The following ZDHHC21 variants were observed in gnomAD, a reference collection of about 807,000 sequenced individuals.
The protein encoded by ZDHHC21 is palmitoyltransferase ZDHHC21.
In ZDHHC21, 15 loss-of-function variants were observed where a neutral mutation model predicts 34.6. The observed-to-expected ratio is 0.43, with a 90% CI of 0.29 to 0.67. ZDHHC21 has a LOEUF of 0.67. Among genes scored for constraint, ZDHHC21 ranks in the 30% least tolerant of loss-of-function variants. The pLI is 0.14. For missense variants in ZDHHC21, 344 were observed against 327.7 expected, an observed-to-expected ratio of 1.05 and a Z score of -0.38; for synonymous variants, 142 against 101.8, an observed-to-expected ratio of 1.40 and a Z score of -2.38.
At chr9:14,643,954 T>C (rs1207837230) in intron 7 of ZDHHC21, among the ~76,000 whole-genome samples, 2 of 152,202 alleles carry the variant, frequency 1.3e-5, no homozygotes, top group Non-Finnish European at 2.9e-5. Context: ...TCTTACTCTT[T>C]TGCAAGAACG....
chr9:14,641,890 G>C (rs139780368), intron 7 of ZDHHC21, among the ~76,000 whole-genome samples: 7 of 152,252 alleles, frequency 4.6e-5, no homozygotes, highest in African/African-American at 1.7e-4. Context: ...CAAAGTTTCG[G>C]AGTGGTAAGC....
chr9:14,657,668 A>C (rs958044573), intron 7 of ZDHHC21, among the ~76,000 whole-genome samples: 1 of 152,132 alleles, frequency 6.6e-6, no homozygotes, highest in Non-Finnish European at 1.5e-5. Context: ...TTTTAACAAA[A>C]ACAGGCAGAG....
the ZDHHC21 span, among the ~76,000 whole-genome samples, chr9:14,600,157 G>C: frequency 2.6e-5 from 4 of 152,226 alleles, no homozygotes; most frequent in African/African-American, 4.8e-5. Flanking sequence ...TCTAGCCAGG[G>C]CAATCAGGCA....
chr9:14,691,715 G>T lies in ZDHHC21; in HGVS notation c.-224-1330C>A, dbSNP rs559045641. Reference sequence around the variant, plus strand: ...GTATGTTAACAGAAATCTCAGTAGTGTCAAAGGATCTAATAGAATTGTTTC... The same window carrying T: ...GTATGTTAACAGAAATCTCAGTAGTTTCAAAGGATCTAATAGAATTGTTTC... On this transcript the variant is annotated intron_variant, in intron 1 of 9. Coordinates refer to ENST00000380916, the MANE Select transcript of ZDHHC21 (RefSeq NM_178566.6). 3.0e-4 allele frequency among the ~76,000 whole-genome samples: 45 copies of T among 152,270 alleles called. 1 individual carries two copies. In the South Asian group the frequency reaches 8.5e-3, roughly 29 times the overall value.
rs1823421046 is a variant in ZDHHC21 at position 14,612,219 on chromosome 9, T to C, written c.*6747A>G. 1 of 152,028 alleles carries C rather than the reference T, an allele frequency of 6.6e-6. No individual in the cohort carries two copies. The highest frequency in any genetic ancestry group is 2.1e-4 in the South Asian group (1 of 4,838). 9.4% of individuals were successfully genotyped at this position (152,028 alleles called of 1,614,324 possible). On this transcript the variant is annotated 3_prime_UTR_variant, in exon 10 of 10. Transcript: ENST00000380916. ...CATAAATTTCAGACTTGATTCTTTT[T>C]TTCCATTCAGAATTGACTGCAAAAC...
chr9:14,610,674 A>G (rs1396528841), downstream of ZDHHC21, among the ~76,000 whole-genome samples: 2 of 151,980 alleles, frequency 1.3e-5, no homozygotes, highest in African/African-American at 4.8e-5. Context: ...TGCCAGATCT[A>G]AAATAGTGCC....
At chr9:14,679,489 G>T (rs1481447425) in intron 3 of ZDHHC21, among the ~76,000 whole-genome samples, 1 of 152,162 alleles carries the variant, frequency 6.6e-6, no homozygotes, top group Non-Finnish European at 1.5e-5. Context: ...CACAAGTGCA[G>T]GAAGAAAAGA....
chr9:14,649,507 A>T (rs1263197114), intron 7 of ZDHHC21, among the ~76,000 whole-genome samples: 1 of 152,042 alleles, frequency 6.6e-6, no homozygotes, highest in Non-Finnish European at 1.5e-5. Context: ...ATATTCTAAA[A>T]CATAAGAAAA....
chr9:14,605,400 A>G, the ZDHHC21 span, among the ~76,000 whole-genome samples: 1 of 152,138 alleles, frequency 6.6e-6, no homozygotes, highest in East Asian at 1.9e-4. Context: ...CAGTTGTGAG[A>G]TAATACCTCG....
chr9:14,589,821 C>A, the ZDHHC21 span: 1 of 152,176 alleles, frequency 6.6e-6, no homozygotes, highest in Non-Finnish European at 1.5e-5. Context: ...GCAAGTAATT[C>A]AACTATCAAA....
At chr9:14,686,038 C>A (rs952913954) in intron 2 of ZDHHC21, among the ~76,000 whole-genome samples, 5 of 151,118 alleles carry the variant, frequency 3.3e-5, no homozygotes, top group African/African-American at 1.2e-4. Context: ...GGGAACATCA[C>A]ACACCGGGGC....
At chr9:14,603,957 TAG>T in the ZDHHC21 span, among the ~76,000 whole-genome samples, 47 of 152,306 alleles carry the variant, frequency 3.1e-4, no homozygotes, top group South Asian at 5.4e-3. Flanking sequence ...ATTGAGTTAT[TAG>T]AGTCATGTTT....
chr9:14,668,910 C>T (rs1834977890), intron 5 of ZDHHC21, among the ~76,000 whole-genome samples: 1 of 120,818 alleles, frequency 8.3e-6, no homozygotes, highest in Non-Finnish European at 1.8e-5. Flanking sequence ...TAGAAGAAAA[C>T]CTAGGCATTA....
chr9:14,688,129 T>G (rs898593085), intron 2 of ZDHHC21, among the ~76,000 whole-genome samples: 1 of 151,046 alleles, frequency 6.6e-6, no homozygotes, highest in Admixed American at 6.6e-5. Context: ...AAAATTAATC[T>G]TCTACAGATG....
chr9:14,656,511 C>T (rs904268928), intron 7 of ZDHHC21, among the ~76,000 whole-genome samples: 2 of 151,778 alleles, frequency 1.3e-5, no homozygotes, highest in African/African-American at 4.8e-5. Context: ...AAAAATTACT[C>T]GATTCCTCAA....
chr9:14,670,016 T>C lies in ZDHHC21; in HGVS notation c.253+2814A>G, dbSNP rs199898577. ...ACTTAAAGTATAATAAAAAAACAAA[T>C]AAACAAAAAAAAACAAAACAAACAA... On this transcript the variant is annotated intron_variant, in intron 5 of 9. Transcript: ENST00000380916. Among the ~76,000 whole-genome samples the C allele has an allele frequency of 3.4e-5, 5 of 148,118 alleles. No individual in the cohort carries two copies. The East Asian group carries it at 9.9e-4, about 29-fold the overall frequency.
chr9:14,622,158 T>C (rs986334020), intron 8 of ZDHHC21, among the ~76,000 whole-genome samples: 1 of 152,124 alleles, frequency 6.6e-6, no homozygotes, highest in African/African-American at 2.4e-5. Flanking sequence ...GATCAAAATA[T>C]CTAAGACTTT....
the ZDHHC21 span, among the ~76,000 whole-genome samples, chr9:14,596,954 T>C: frequency 6.6e-6 from 1 of 152,072 alleles, no homozygotes; most frequent in African/African-American, 2.4e-5. Flanking sequence ...ATGGTTGGGA[T>C]AGGCTCAAAG....
chr9:14,604,415 G>A, the ZDHHC21 span, among the ~76,000 whole-genome samples: 769 of 152,184 alleles, frequency 5.1e-3, 3 homozygotes, highest in Middle Eastern at 0.01. Context: ...TTACATAAAT[G>A]TAAAATTTGA....
Sources: gnomAD v4.1 joint callset for allele counts (sites outside exome capture counted in the v4.1 genomes callset) on GRCh38, gnomAD v4.1.1 for gene constraint, MANE v1.5 for transcripts, NCBI Gene and HGNC (gene_info 2026-07-23, HGNC 2026-07-21) for gene names.